The following MYBPC1 variants were observed in gnomAD, a reference collection of about 807,000 sequenced individuals.
MYBPC1 encodes the protein myosin-binding protein C, slow-type.
Under a neutral mutation model 147.1 loss-of-function variants are expected in MYBPC1, and 52 were observed. The ratio of observed to expected loss-of-function variants is 0.35; its 90% CI spans 0.28 to 0.45. MYBPC1 has a LOEUF of 0.45. Ranked by LOEUF, MYBPC1 falls within the 20% of genes least tolerant of loss-of-function variation. The pLI is 1.00. For synonymous variants in MYBPC1, 477 were observed against 475.9 expected, an observed-to-expected ratio of 1.00 and a Z score of -0.03; for missense variants, 1,228 against 1,440.3, an observed-to-expected ratio of 0.85 and a Z score of 2.39.
At chr12:101,630,869 A>G (rs551696281) in intron 6 of MYBPC1, among the ~76,000 whole-genome samples, 15 of 152,340 alleles carry the variant, frequency 9.8e-5, no homozygotes, top group Non-Finnish European at 1.9e-4. Flanking sequence ...CTAGTCTTTG[A>G]CACTTATCAA....
the MYBPC1 span, among the ~76,000 whole-genome samples, chr12:101,693,193 G>A: frequency 0.012 from 1,794 of 152,148 alleles, 45 homozygotes; most frequent in East Asian, 0.054. Flanking sequence ...TGATCCACCC[G>A]CCTTGGCCTC....
intron 18 of MYBPC1, among the ~76,000 whole-genome samples, chr12:101,655,166 T>A (rs1895324015): frequency 6.6e-6 from 1 of 152,312 alleles, no homozygotes; most frequent in South Asian, 2.1e-4. Context: ...GTATTCCATA[T>A]GTTCAAAAAG....
At chr12:101,631,769 A>G (rs759723033) in intron 7 of MYBPC1, 50 bp downstream of exon 7, 9 of 1,610,488 alleles carry the variant, frequency 5.6e-6, no homozygotes, top group African/African-American at 1.3e-5. Context: ...CATTCCTTCT[A>G]TGTGAATAAA....
intron 8 of MYBPC1, among the ~76,000 whole-genome samples, chr12:101,633,287 A>G (rs1228258926): frequency 6.6e-6 from 1 of 152,188 alleles, no homozygotes; most frequent in Non-Finnish European, 1.5e-5. Context: ...AAAGAGGGGA[A>G]GGGGCTGTCA....
chr12:101,659,761 T>C lies in MYBPC1; in HGVS notation c.1857T>C (p.Ser619=). The change falls in exon 19 of 32, where the codon TCT becomes TCC. Residue 619 remains serine (S), a synonymous_variant. Coordinates refer to ENST00000361466, the MANE Select transcript of MYBPC1 (RefSeq NM_002465.4). ...LVIDIAERDD[S]GVYHINLKNE... The stretch of plus-strand genomic sequence containing the variant: ...TTGATATAGCTGAAAGAGATGACTC[T>C]GGTGTTTACCACATCAATCTGAAAA... 1 of 1,614,170 alleles carries C rather than the reference T, an allele frequency of 6.2e-7. No individual in the cohort carries two copies.
chr12:101,680,565 TA>T, intron 29 of MYBPC1, 36 bp downstream of exon 29: 1 of 1,603,804 alleles, frequency 6.2e-7, no homozygotes, highest in Non-Finnish European at 8.5e-7. Context: ...AGACTAAAGT[TA>T]AAGAAAATCA....
rs114579024 is a variant in MYBPC1 at position 101,617,260 on chromosome 12, G to C, written c.103+17G>C. The stretch of plus-strand genomic sequence containing the variant: ...CAGCAAAAGGTGAGTTGGAGGGAGG[G>C]AGAGTGAGGCTGAAGTCAACAAAAT... On this transcript the variant is annotated intron_variant, in intron 3 of 31. Coordinates refer to ENST00000361466, the MANE Select transcript of MYBPC1 (RefSeq NM_002465.4). The C allele has an allele frequency of 4.3e-6, 7 of 1,613,368 alleles. No individual in the cohort carries two copies. The Admixed American group carries it at 8.3e-5, about 19-fold the overall frequency.
chr12:101,629,517 A>G lies in MYBPC1; in HGVS notation c.262A>G (p.Lys88Glu), dbSNP rs202028101. ...NSQLSILFIEKPQGGTVKVGE... is the reference protein window; with the variant it reads ...NSQLSILFIEEPQGGTVKVGE... ...CCAGCTGTCCATCTTGTTCATTGAAAAACCTCAAGGAGGAACAGTGAAAGT... is the reference window on the plus strand; with the variant it reads ...CCAGCTGTCCATCTTGTTCATTGAAGAACCTCAAGGAGGAACAGTGAAAGT... Residue 88 changes from lysine (K) to glutamate (E), a missense_variant, in exon 6 of 32, where the codon AAA becomes GAA. Lys to Glu is a moderately conservative substitution (Grantham distance 56). Transcript: ENST00000361466. The G allele has an allele frequency of 6.2e-7, 1 of 1,613,726 alleles. No homozygotes were observed. Among genetic ancestry groups the G allele is most frequent in the East Asian group, 2.2e-5 (1 of 44,874 alleles).
At chr12:101,626,849 T>C (rs1230246549) in intron 3 of MYBPC1, 23 bp from the exon 4 acceptor site, 1 of 1,605,102 alleles carries the variant, frequency 6.2e-7, no homozygotes, top group Non-Finnish European at 8.5e-7. Context: ...TCCTTGACTT[T>C]TTACTCCTAT....
chr12:101,693,182 G>A, the MYBPC1 span, among the ~76,000 whole-genome samples: 13 of 152,136 alleles, frequency 8.5e-5, no homozygotes, highest in Non-Finnish European at 1.6e-4. Flanking sequence ...TCCTGACCTC[G>A]TGATCCACCC....
At chr12:101,623,598 A>G (rs825062) in intron 3 of MYBPC1, among the ~76,000 whole-genome samples, 71,113 of 152,022 alleles carry the variant, frequency 0.47, 17,054 homozygotes, top group East Asian at 0.67. Context: ...TTTATAAAGT[A>G]TTCATTTGAA....
At position 101,673,420 on chromosome 12, in the gene MYBPC1, T is replaced by C; in HGVS notation, c.2614-7T>C. ...ACCCTCTCTACTTTTGCTGTCTTTCTTTTTAGGGAAAACCAAGACCAGAAT... is the reference window on the plus strand; with the variant it reads ...ACCCTCTCTACTTTTGCTGTCTTTCCTTTTAGGGAAAACCAAGACCAGAAT... On this transcript the variant is annotated splice_region_variant and splice_polypyrimidine_tract_variant and intron_variant, in intron 24 of 31. Transcript: ENST00000361466. 1 of 1,611,992 alleles carries C rather than the reference T, an allele frequency of 6.2e-7. No individual in the cohort carries two copies. The highest frequency in any genetic ancestry group is 8.5e-7 in the Non-Finnish European group (1 of 1,179,692).
At chr12:101,599,283 G>A (rs965232839) in intron 1 of MYBPC1, among the ~76,000 whole-genome samples, 1 of 152,074 alleles carries the variant, frequency 6.6e-6, no homozygotes, top group African/African-American at 2.4e-5. Context: ...GGAATAGATG[G>A]GACCATGGTA....
chr12:101,676,105 A>G (rs778736062), intron 26 of MYBPC1, among the ~76,000 whole-genome samples: 11 of 152,162 alleles, frequency 7.2e-5, no homozygotes, highest in Non-Finnish European at 1.5e-4. Flanking sequence ...TTTTCAGCTC[A>G]TCAGCTATCG....
intron 23 of MYBPC1, among the ~76,000 whole-genome samples, chr12:101,669,476 G>A (rs879212288): frequency 8.5e-5 from 13 of 152,194 alleles, no homozygotes; most frequent in Admixed American, 2.6e-4. Context: ...CAGTCACACA[G>A]GGAGAAAGTT....
At chr12:101,623,320 T>C (rs1887864454) in intron 3 of MYBPC1, among the ~76,000 whole-genome samples, 1 of 152,058 alleles carries the variant, frequency 6.6e-6, no homozygotes, top group Non-Finnish European at 1.5e-5. Context: ...GCCTGGGCGA[T>C]AGAGGGAGAC....
chr12:101,664,915 A>G (rs1172349087), intron 22 of MYBPC1, among the ~76,000 whole-genome samples: 2 of 152,198 alleles, frequency 1.3e-5, no homozygotes, highest in African/African-American at 2.4e-5. Context: ...CCCATTTAAA[A>G]AAGTCATGAG....
intron 1 of MYBPC1, among the ~76,000 whole-genome samples, chr12:101,604,725 G>A (rs567370598): frequency 1.3e-5 from 2 of 152,202 alleles, no homozygotes; most frequent in South Asian, 4.2e-4. Flanking sequence ...TTTGTATTTT[G>A]AATTTCTTTC....
At chr12:101,615,667 C>CCCA (rs1885749019) in intron 2 of MYBPC1, among the ~76,000 whole-genome samples, 2 of 72,466 alleles carry the variant, frequency 2.8e-5, no homozygotes, top group African/African-American at 1.3e-4. Context: ...CCCCCGCCCC[C>CCCA]CCCCCGCCCC....
Sources: allele counts gnomAD v4.1 joint callset (sites outside exome capture counted in the v4.1 genomes callset), GRCh38; gene constraint gnomAD v4.1.1; transcripts MANE v1.5; gene names NCBI Gene and HGNC (gene_info 2026-07-23, HGNC 2026-07-21).